STOX2: variants seen among roughly 807,000 people sequenced by gnomAD.
STOX2 encodes the protein storkhead-box protein 2.
A neutral mutation model predicts 60.9 loss-of-function variants in STOX2; 28 were observed. That is an observed-to-expected ratio of 0.46 (90% CI 0.34 to 0.63). STOX2 has a LOEUF of 0.63. STOX2 is among the 30% of genes least tolerant of loss of function. STOX2 has a pLI of 0.01. For synonymous variants in STOX2, 472 were observed against 463.9 expected, an observed-to-expected ratio of 1.02 and a Z score of -0.22; for missense variants, 1,024 against 1,187.7, an observed-to-expected ratio of 0.86 and a Z score of 2.03.
intron 1 of STOX2, among the ~76,000 whole-genome samples, chr4:183,985,424 C>T (rs1042337611): frequency 6.6e-6 from 1 of 152,114 alleles, no homozygotes; most frequent in African/African-American, 2.4e-5. Context: ...GAGCCAGCTG[C>T]CTTGGGTTGA....
At chr4:183,857,110 C>T (rs1254033664) in intron 1 of STOX2, among the ~76,000 whole-genome samples, 2 of 152,142 alleles carry the variant, frequency 1.3e-5, no homozygotes, top group African/African-American at 2.4e-5. Flanking sequence ...GACTGGTTGT[C>T]CCACAGGACT....
intron 1 of STOX2, among the ~76,000 whole-genome samples, chr4:183,937,396 C>T (rs1016111584): frequency 1.3e-5 from 2 of 152,210 alleles, no homozygotes; most frequent in Non-Finnish European, 2.9e-5. Context: ...GGAGAGAAGA[C>T]GTGTCTTCTT....
In STOX2 at chr4:184,011,106, T is replaced by G; in HGVS notation, c.2268T>G (p.Ala756=). The G allele has an allele frequency of 6.3e-6, 10 of 1,591,286 alleles. No individual in the cohort carries two copies. Among genetic ancestry groups the G allele is most frequent in the Non-Finnish European group, 8.5e-6 (10 of 1,170,212 alleles). The part of the protein sequence containing the change: ...LGTSAAQAMP[A]SQRQQESGGN... ...CCTCGGCGGCACAAGCCATGCCTGC[T>G]TCCCAGCGTCAGCAGGAGTCAGGAG... Residue 756 remains alanine (A), a synonymous_variant, in exon 3 of 4, where the codon GCT becomes GCG. Coordinates refer to ENST00000308497, the MANE Select transcript of STOX2 (RefSeq NM_020225.3). The surrounding 1 kb of genome is among the most constrained non-coding windows in gnomAD (Gnocchi z 4.4).
At chr4:183,842,274 G>A (rs569408792) in intron 1 of STOX2, among the ~76,000 whole-genome samples, 32 of 152,240 alleles carry the variant, frequency 2.1e-4, no homozygotes, top group African/African-American at 6.0e-4. Context: ...TCCATACGAC[G>A]TGGCTAAACT....
intron 1 of STOX2, among the ~76,000 whole-genome samples, chr4:183,996,517 A>T (rs187489864): frequency 6.6e-5 from 10 of 152,348 alleles, no homozygotes; most frequent in African/African-American, 2.4e-4. Flanking sequence ...TCTTCTTTGA[A>T]TAAATAAATG....
rs997920997 is a variant in STOX2, at chr4:183,894,158, TA to T, written c.364+96111del. Among the ~76,000 whole-genome samples, 421 of 151,888 alleles carry T rather than the reference TA, an allele frequency of 2.8e-3. 1 individual carries two copies. The highest frequency in any genetic ancestry group is 9.6e-3 in the African/African-American group (397 of 41,436). Reference sequence around the variant, plus strand: ...ACAGTGAGATTCTGTCTCCAAAAAATAAAAAAAATTAAAAATATTAAAAATA... The same window carrying T: ...ACAGTGAGATTCTGTCTCCAAAAAATAAAAAAATTAAAAATATTAAAAATA... On this transcript the variant is annotated intron_variant, in intron 1 of 2. Transcript: ENST00000513034.
At chr4:183,876,859 A>T (rs1333682370) in intron 1 of STOX2, among the ~76,000 whole-genome samples, 1 of 152,228 alleles carries the variant, frequency 6.6e-6, no homozygotes, top group Non-Finnish European at 1.5e-5. Flanking sequence ...AAGCCCTGTG[A>T]GTTCCATTGT....
intron 1 of STOX2, among the ~76,000 whole-genome samples, chr4:183,955,690 T>A (rs992134736): frequency 3.9e-5 from 6 of 152,206 alleles, no homozygotes; most frequent in African/African-American, 1.4e-4. Context: ...AGTAGCTTCC[T>A]GGGAATATTA....
intron 1 of STOX2, among the ~76,000 whole-genome samples, chr4:183,866,048 A>G (rs922326575): frequency 6.6e-6 from 1 of 152,154 alleles, no homozygotes; most frequent in African/African-American, 2.4e-5. Context: ...GGGTATGAGG[A>G]GCAGAGAAAA....
At position 184,019,173 on chromosome 4, in the gene STOX2, T is replaced by A. The variant is rs1419371030; in HGVS notation, c.*1889T>A. ...TTTGGTGTAAATTCCTTTTTTCTGC[T>A]TATTATAGTGAAACTTCAGCATGTT... On this transcript the variant is annotated 3_prime_UTR_variant, in exon 4 of 4. Coordinates refer to ENST00000308497, the MANE Select transcript of STOX2 (RefSeq NM_020225.3). 6.6e-6 allele frequency: 1 copy of A among 152,246 alleles called. No homozygotes were observed. Among genetic ancestry groups the A allele is most frequent in the Non-Finnish European group, 1.5e-5 (1 of 68,052 alleles). The allele number at this position is 152,246 out of a possible 1,614,324, so 9.4% of individuals were successfully genotyped here. A position where few individuals can be genotyped will look rare whatever the true frequency, so the allele number is the denominator to read the frequency against.
intron 1 of STOX2, among the ~76,000 whole-genome samples, chr4:183,884,436 G>T (rs573307241): frequency 6.6e-6 from 1 of 152,032 alleles, no homozygotes; most frequent in Admixed American, 6.6e-5. Context: ...TCAGGAGTTC[G>T]TGACCAGCTT....
intron 1 of STOX2, among the ~76,000 whole-genome samples, chr4:183,962,040 A>G (rs1454902681): frequency 2.0e-5 from 3 of 152,236 alleles, no homozygotes; most frequent in Admixed American, 1.3e-4. Context: ...CTTTTTCTCT[A>G]TAAACATTTG....
chr4:183,875,833 T>G (rs1396169394), intron 1 of STOX2, among the ~76,000 whole-genome samples: 1 of 152,216 alleles, frequency 6.6e-6, no homozygotes, highest in Non-Finnish European at 1.5e-5. Flanking sequence ...TCCTCCCATC[T>G]CAGCTTCCCG....
At chr4:183,811,176 G>A (rs140165068) in intron 1 of STOX2, among the ~76,000 whole-genome samples, 7 of 152,302 alleles carry the variant, frequency 4.6e-5, no homozygotes, top group Middle Eastern at 3.4e-3. Flanking sequence ...TTCAAAGGAC[G>A]GGGAGGGGTG....
In STOX2 at chr4:184,009,665, A is replaced by C; in HGVS notation, c.827A>C (p.Lys276Thr). Reference sequence around the variant, plus strand: ...CTAAAGTTATTCCGGTTAAGTTTTAAAAAAGACAAGACCAAACAGCTGGCC... The same window carrying C: ...CTAAAGTTATTCCGGTTAAGTTTTACAAAAGACAAGACCAAACAGCTGGCC... ...FGLKLFRLSF[K>T]KDKTKQLANF... The change falls in exon 3 of 4, where the codon AAA becomes ACA. Residue 276 changes from lysine to threonine, a missense_variant. Lys to Thr is a moderately conservative substitution (Grantham distance 78). Coordinates refer to ENST00000308497, the MANE Select transcript of STOX2 (RefSeq NM_020225.3). This position sits in a 1 kb window ranked among gnomAD's most constrained non-coding sequence, Gnocchi z 4.0. The C allele has an allele frequency of 6.2e-7, 1 of 1,613,866 alleles. No homozygotes were observed. The highest frequency in any genetic ancestry group is 8.5e-7 in the Non-Finnish European group (1 of 1,179,890).
At chr4:183,883,468 T>C (rs937599787) in intron 1 of STOX2, among the ~76,000 whole-genome samples, 28 of 151,944 alleles carry the variant, frequency 1.8e-4, no homozygotes, top group African/African-American at 6.8e-4. Context: ...TACAGGCACC[T>C]GCCACCACGC....
rs1734540490 is a variant in STOX2 at position 184,020,470 on chromosome 4, C to T, written c.*3186C>T. The T allele has an allele frequency of 6.6e-6, 1 of 151,406 alleles. No individual in the cohort carries two copies. The highest frequency in any genetic ancestry group is 1.5e-5 in the Non-Finnish European group (1 of 67,956). The allele number at this position is 151,406 out of a possible 1,614,324, so 9.4% of individuals were successfully genotyped here. A position where few individuals can be genotyped will look rare whatever the true frequency, so the allele number is the denominator to read the frequency against. On this transcript the variant is annotated 3_prime_UTR_variant, in exon 4 of 4. Transcript: ENST00000308497. ...CTCTTTTGGAAATCTGATTTGAAGT[C>T]TAAGTTTTCAGTAACAGAAGACACA...
At chr4:183,872,168 C>T (rs1740707983) in intron 1 of STOX2, among the ~76,000 whole-genome samples, 1 of 152,130 alleles carries the variant, frequency 6.6e-6, no homozygotes, top group South Asian at 2.1e-4. Flanking sequence ...AATTCTCCTA[C>T]CTCAGCCTTC....
At chr4:183,942,277 A>C (rs112601430) in intron 1 of STOX2, among the ~76,000 whole-genome samples, 1 of 140,774 alleles carries the variant, frequency 7.1e-6, no homozygotes, top group African/African-American at 3.0e-5. Context: ...TTATCTTACA[A>C]ATTTGTAAAT....
Sources: gnomAD v4.1 joint callset for allele counts (sites outside exome capture counted in the v4.1 genomes callset) on GRCh38, gnomAD v4.1.1 for gene constraint, Gnocchi (gnomAD v3.1) non-coding constraint, MANE v1.5 for transcripts, NCBI Gene and HGNC (gene_info 2026-07-23, HGNC 2026-07-21) for gene names.